NEGR1: variants seen among roughly 807,000 people sequenced by gnomAD.
NEGR1 encodes neuronal growth regulator 1, also known as IgLON family member 4.
In NEGR1, 10 loss-of-function variants were observed where a neutral mutation model predicts 40.9. The ratio of observed to expected loss-of-function variants is 0.24; its 90% CI spans 0.15 to 0.42. NEGR1 has a LOEUF of 0.42. Ranked by LOEUF, NEGR1 falls within the 10% of genes least tolerant of loss-of-function variation. The pLI is 1.00. For missense variants in NEGR1, 352 were observed against 438.9 expected, an observed-to-expected ratio of 0.80 and a Z score of 1.77; for synonymous variants, 185 against 166.8, an observed-to-expected ratio of 1.11 and a Z score of -0.84.
At chr1:71,896,218 A>G (rs1557691523) in intron 2 of NEGR1, among the ~76,000 whole-genome samples, 5 of 151,878 alleles carry the variant, frequency 3.3e-5, no homozygotes, top group Admixed American at 6.6e-5. Context: ...TTGTGTTTTT[A>G]GTAGAGATGG....
intron 5 of NEGR1, among the ~76,000 whole-genome samples, chr1:71,599,152 T>C (rs1460485335): frequency 6.6e-6 from 1 of 152,232 alleles, no homozygotes; most frequent in African/African-American, 2.4e-5. Flanking sequence ...TTTAAAAATA[T>C]TTAATGTGTA....
At chr1:71,843,057 A>C (rs1163906754) in intron 2 of NEGR1, among the ~76,000 whole-genome samples, 2 of 152,146 alleles carry the variant, frequency 1.3e-5, no homozygotes, top group Non-Finnish European at 2.9e-5. Flanking sequence ...TTTTAAGGGA[A>C]AGTAATCATG....
At chr1:71,609,184 T>C (rs536224031) in intron 5 of NEGR1, among the ~76,000 whole-genome samples, 1 of 151,672 alleles carries the variant, frequency 6.6e-6, no homozygotes, top group Non-Finnish European at 1.5e-5. Context: ...GCATATAAAA[T>C]AGCTAAAAAA....
At chr1:71,700,857 T>C (rs1653667615) in intron 3 of NEGR1, among the ~76,000 whole-genome samples, 1 of 151,892 alleles carries the variant, frequency 6.6e-6, no homozygotes, top group South Asian at 2.1e-4. Context: ...ACAATACTAA[T>C]TGCATGAATT....
intron 2 of NEGR1, among the ~76,000 whole-genome samples, chr1:71,868,651 T>C (rs985023186): frequency 5.3e-5 from 8 of 152,310 alleles, no homozygotes; most frequent in Admixed American, 3.3e-4. Flanking sequence ...ACTATCTTTC[T>C]AGGTGTTTTC....
intron 3 of NEGR1, among the ~76,000 whole-genome samples, chr1:71,749,807 A>G (rs1655506802): frequency 6.6e-6 from 1 of 152,144 alleles, no homozygotes; most frequent in Non-Finnish European, 1.5e-5. Flanking sequence ...AAGCTGTATT[A>G]TTTTGTTGTC....
chr1:71,729,774 A>G (rs891135126), intron 3 of NEGR1, among the ~76,000 whole-genome samples: 1 of 151,592 alleles, frequency 6.6e-6, no homozygotes, highest in Admixed American at 6.6e-5. Flanking sequence ...AGCTGGGACC[A>G]TAGGTGCATG....
intron 3 of NEGR1, among the ~76,000 whole-genome samples, chr1:71,749,315 A>G (rs536788716): frequency 2.6e-5 from 4 of 152,334 alleles, no homozygotes; most frequent in Admixed American, 6.5e-5. Context: ...CAAAATTTAT[A>G]TAGGCAAACT....
chr1:72,250,561 C>T (rs368367529), intron 1 of NEGR1, among the ~76,000 whole-genome samples: 13 of 152,278 alleles, frequency 8.5e-5, no homozygotes, highest in African/African-American at 3.1e-4. Context: ...AGTCAATCTA[C>T]TTTCATTTGC....
intron 4 of NEGR1, among the ~76,000 whole-genome samples, chr1:71,625,876 G>T (rs1397815519): frequency 1.3e-5 from 2 of 151,634 alleles, no homozygotes; most frequent in Non-Finnish European, 2.9e-5. Flanking sequence ...ATATTTAGAT[G>T]ACTATACACA....
At chr1:71,703,077 G>GA (rs77147944) in intron 3 of NEGR1, 2,454 of 144,306 alleles carry the variant, frequency 0.017, 53 homozygotes, top group African/African-American at 0.056. Flanking sequence ...CCACAAATCT[G>GA]AAAAAAAAAA....
chr1:72,104,920 G>C (rs1649079293), intron 1 of NEGR1, among the ~76,000 whole-genome samples: 1 of 152,122 alleles, frequency 6.6e-6, no homozygotes, highest in East Asian at 1.9e-4. Context: ...TCAGAGTACA[G>C]TCTGTTCACG....
At chr1:71,790,505 C>A (rs1431595108) in intron 2 of NEGR1, among the ~76,000 whole-genome samples, 1 of 151,610 alleles carries the variant, frequency 6.6e-6, no homozygotes, top group African/African-American at 2.4e-5. Flanking sequence ...GATGACGGAA[C>A]CAGGAGTGTT....
intron 6 of NEGR1, among the ~76,000 whole-genome samples, chr1:71,592,438 A>T (rs1235254751): frequency 6.6e-6 from 1 of 152,198 alleles, no homozygotes; most frequent in African/African-American, 2.4e-5. Flanking sequence ...AAACCAACCA[A>T]GAGTAAATTC....
chr1:72,190,700 C>G (rs1178483961), intron 1 of NEGR1, among the ~76,000 whole-genome samples: 1 of 151,086 alleles, frequency 6.6e-6, no homozygotes, highest in East Asian at 1.9e-4. Flanking sequence ...TTTATAGAGG[C>G]AAGAAAGTAT....
intron 2 of NEGR1, among the ~76,000 whole-genome samples, chr1:71,861,794 C>G (rs1187170745): frequency 1.3e-5 from 2 of 152,046 alleles, no homozygotes; most frequent in Non-Finnish European, 2.9e-5. Context: ...ATCACTGTTT[C>G]CATTTTTCTT....
intron 6 of NEGR1, among the ~76,000 whole-genome samples, chr1:71,412,097 C>A (rs1448058268): frequency 1.3e-5 from 2 of 152,104 alleles, no homozygotes; most frequent in Non-Finnish European, 1.5e-5. Context: ...TCAAGTATTC[C>A]CCATTGTCTA....
At position 71,597,128 on chromosome 1, in the gene NEGR1, A is replaced by G. The variant is rs201398296; in HGVS notation, c.789-4160T>C. On this transcript the variant is annotated intron_variant, in intron 5 of 6. Transcript: ENST00000357731. ...TTCCAAGATGTTGTGTGAACTAAAG[A>G]TACAGCTCAAATTAAAACAAAAGAG... Among the ~76,000 whole-genome samples, 21 of 152,290 alleles carry G rather than the reference A, an allele frequency of 1.4e-4. 1 individual carries two copies. The East Asian group carries it at 3.5e-3, about 25-fold the overall frequency.
chr1:71,871,013 G>A (rs1248381119), intron 2 of NEGR1, among the ~76,000 whole-genome samples: 1 of 152,188 alleles, frequency 6.6e-6, no homozygotes, highest in Non-Finnish European at 1.5e-5. Context: ...TAAGAGAACT[G>A]TGAGAAGCAA....
Sources: allele counts gnomAD v4.1 joint callset (sites outside exome capture counted in the v4.1 genomes callset), GRCh38; gene constraint gnomAD v4.1.1; transcripts MANE v1.5; gene names NCBI Gene and HGNC (gene_info 2026-07-23, HGNC 2026-07-21).